CEP83: variants seen among roughly 807,000 people sequenced by gnomAD.
CEP83 encodes centrosomal protein of 83 kDa.
A neutral mutation model predicts 101.9 loss-of-function variants in CEP83; 70 were observed. That is an observed-to-expected ratio of 0.69 (90% CI 0.57 to 0.84). The LOEUF is 0.84. CEP83 is among the 40% of genes least tolerant of loss of function. The pLI is 0.00. For missense variants in CEP83, 715 were observed against 787.2 expected (o/e 0.91, Z 1.10); for synonymous variants, 264 against 267.9 (o/e 0.99, Z 0.14).
the CEP83 span, among the ~76,000 whole-genome samples, chr12:94,266,368 C>T: frequency 6.6e-6 from 1 of 152,158 alleles, no homozygotes. Flanking sequence ...CACTTCTCAG[C>T]GTTCTGAATT....
the CEP83 span, among the ~76,000 whole-genome samples, chr12:94,284,668 A>G: frequency 6.6e-6 from 1 of 151,934 alleles, no homozygotes; most frequent in African/African-American, 2.4e-5. Context: ...GGTAACAGCT[A>G]GTCAGTGGCA....
rs143510455 is a variant in CEP83 at position 94,453,112 on chromosome 12, A to T, written c.-155+6445T>A. On this transcript the variant is annotated intron_variant, in intron 1 of 16. Coordinates refer to ENST00000397809, the MANE Select transcript of CEP83 (RefSeq NM_016122.3). ...AATCAATAAACTAAATGTGATGTGC[A>T]TTCTTTCTTTGGTTTCCAAAACGTT... Among the ~76,000 whole-genome samples the T allele has an allele frequency of 5.7e-3, 869 of 152,270 alleles. 4 individuals carry two copies. The highest frequency in any genetic ancestry group is 0.02 in the African/African-American group (815 of 41,536).
intron 6 of CEP83, among the ~76,000 whole-genome samples, chr12:94,389,224 C>T (rs1408021151): frequency 6.6e-6 from 1 of 152,132 alleles, no homozygotes; most frequent in East Asian, 1.9e-4. Context: ...AAATGGGTCT[C>T]CTGTCTCTAT....
chr12:94,415,231 T>A (rs1014252370), intron 2 of CEP83, among the ~76,000 whole-genome samples: 2 of 152,028 alleles, frequency 1.3e-5, no homozygotes, highest in African/African-American at 4.8e-5. Flanking sequence ...AAAAAACTTA[T>A]GTGGTTGAAA....
the CEP83 span, among the ~76,000 whole-genome samples, chr12:94,280,953 T>A: frequency 6.6e-6 from 1 of 152,206 alleles, no homozygotes; most frequent in Non-Finnish European, 1.5e-5. Context: ...TTTCCCAGAC[T>A]ACCTCCAGAA....
At chr12:94,299,530 C>G in the CEP83 span, among the ~76,000 whole-genome samples, 1 of 152,112 alleles carries the variant, frequency 6.6e-6, no homozygotes, top group East Asian at 1.9e-4. Context: ...CAATTCTCTA[C>G]GCTGGCTTGC....
chr12:94,301,114 C>T, the CEP83 span: 1 of 1,505,272 alleles, frequency 6.6e-7, no homozygotes, highest in East Asian at 2.3e-5. Flanking sequence ...ACATACTTGT[C>T]TTTCTGATAA....
chr12:94,428,464 G>GT (rs2065374209), intron 2 of CEP83, among the ~76,000 whole-genome samples: 1 of 152,114 alleles, frequency 6.6e-6, no homozygotes, highest in Non-Finnish European at 1.5e-5. Context: ...CCTGAAAATT[G>GT]TTTTTTAAAT....
At chr12:94,270,515 A>G in the CEP83 span, among the ~76,000 whole-genome samples, 8 of 152,176 alleles carry the variant, frequency 5.3e-5, no homozygotes, top group African/African-American at 1.7e-4. Context: ...CTTCTGGGAC[A>G]CAGCAATGGA....
chr12:94,328,450 G>C (rs2059066588), intron 14 of CEP83: 1 of 154,530 alleles, frequency 6.5e-6, no homozygotes, highest in African/African-American at 2.4e-5. Flanking sequence ...CCAGCCTCAG[G>C]GAAAAAAGAA....
intron 11 of CEP83, among the ~76,000 whole-genome samples, chr12:94,339,463 T>C (rs2059589114): frequency 1.3e-5 from 2 of 152,158 alleles, no homozygotes; most frequent in African/African-American, 4.8e-5. Flanking sequence ...GAAATGTACT[T>C]CATGTGACTG....
At chr12:94,415,370 T>C (rs1483911513) in intron 2 of CEP83, among the ~76,000 whole-genome samples, 1 of 152,018 alleles carries the variant, frequency 6.6e-6, no homozygotes, top group Non-Finnish European at 1.5e-5. Flanking sequence ...TTATGAAAGG[T>C]TTGTGAGAGA....
downstream of CEP83, chr12:94,303,734 T>A: frequency 1.3e-6 from 1 of 751,144 alleles, no homozygotes; most frequent in Non-Finnish European, 1.7e-6. Flanking sequence ...GATGGTTGCT[T>A]TTTTTTTTTT....
chr12:94,287,102 C>T, the CEP83 span, among the ~76,000 whole-genome samples: 3 of 152,202 alleles, frequency 2.0e-5, no homozygotes, highest in East Asian at 1.9e-4. Context: ...CCACAAAAAC[C>T]CTGGGAGGCA....
intron 13 of CEP83, among the ~76,000 whole-genome samples, chr12:94,333,045 C>CAAA (rs34900007): frequency 0.03 from 2,216 of 73,018 alleles, 29 homozygotes; most frequent in Non-Finnish European, 0.04. Context: ...ATTTTAAGAC[C>CAAA]AAAAAAAAAA....
At chr12:94,378,180 T>C (rs2061650115) in intron 7 of CEP83, among the ~76,000 whole-genome samples, 1 of 152,138 alleles carries the variant, frequency 6.6e-6, no homozygotes, top group African/African-American at 2.4e-5. Context: ...CACTAAGAAC[T>C]AAGAAGAATA....
chr12:94,351,729 C>T (rs2060205087), intron 11 of CEP83, among the ~76,000 whole-genome samples: 1 of 152,174 alleles, frequency 6.6e-6, no homozygotes, highest in South Asian at 2.1e-4. Context: ...CCCCACATAC[C>T]TGTAGGGACC....
chr12:94,418,990 C>T (rs1593894380), intron 2 of CEP83, among the ~76,000 whole-genome samples: 1 of 151,478 alleles, frequency 6.6e-6, no homozygotes, highest in South Asian at 2.1e-4. Flanking sequence ...TCCATTATTG[C>T]TACTTTTATT....
At chr12:94,400,128 G>A (rs891701343) in intron 6 of CEP83, among the ~76,000 whole-genome samples, 1 of 152,166 alleles carries the variant, frequency 6.6e-6, no homozygotes, top group East Asian at 1.9e-4. Context: ...TTTGTAAACA[G>A]AATATTTCAC....
Sources: allele counts gnomAD v4.1 joint callset (sites outside exome capture counted in the v4.1 genomes callset), GRCh38; gene constraint gnomAD v4.1.1; transcripts MANE v1.5; gene names NCBI Gene and HGNC (gene_info 2026-07-23, HGNC 2026-07-21).